GLOD4: variants seen among roughly 807,000 people sequenced by gnomAD.
The protein encoded by GLOD4 is glyoxalase domain containing 4, also known as glyoxalase domain-containing protein 4.
Under a neutral mutation model 39.1 loss-of-function variants are expected in GLOD4, and 44 were observed. The observed-to-expected ratio is 1.13, with a 90% CI of 0.88 to 1.45. The LOEUF is 1.45. Among genes scored for constraint, GLOD4 ranks in the 40% most tolerant of loss-of-function variants. GLOD4 has a pLI of 0.00. For synonymous variants in GLOD4, 145 were observed against 135.0 expected, an observed-to-expected ratio of 1.07 and a Z score of -0.52; for missense variants, 405 against 366.4, an observed-to-expected ratio of 1.11 and a Z score of -0.86.
intron 1 of GLOD4, chr17:780,780 G>A (rs550393293): frequency 1.3e-5 from 2 of 149,596 alleles, no homozygotes; most frequent in Admixed American, 6.8e-5. Flanking sequence ...TCGAATACAA[G>A]GTCTACATGA....
In GLOD4 at chr17:767,214, C is replaced by A. The variant is rs534014279; in HGVS notation, c.831+2655G>T. Among the ~76,000 whole-genome samples, 15 of 152,230 alleles carry A rather than the reference C, an allele frequency of 9.9e-5. No homozygotes were observed. In the South Asian group the frequency reaches 3.1e-3, roughly 32 times the overall value. On this transcript the variant is annotated intron_variant, in intron 8 of 8. Coordinates refer to ENST00000301329, the MANE Select transcript of GLOD4 (RefSeq NM_016080.4). ...TCAGTCACAGAGTTACGTGACAGAACCAAGAAAGACCAATTTGTTCCTTTA... is the reference window on the plus strand; with the variant it reads ...TCAGTCACAGAGTTACGTGACAGAAACAAGAAAGACCAATTTGTTCCTTTA...
intron 4 of GLOD4, among the ~76,000 whole-genome samples, chr17:774,345 T>A (rs1908521396): frequency 6.6e-6 from 1 of 152,216 alleles, no homozygotes; most frequent in Non-Finnish European, 1.5e-5. Flanking sequence ...CAGGACTCCC[T>A]TCTCAGGCCC....
intron 1 of GLOD4, 181 bp downstream of exon 1, chr17:781,985 A>C: frequency 1.7e-6 from 1 of 589,058 alleles, no homozygotes; most frequent in South Asian, 2.1e-5. Flanking sequence ...CCCTTCTCCA[A>C]GGCCTATGAT....
chr17:782,262 C>G lies in GLOD4; in HGVS notation c.-7G>C. On this transcript the variant is annotated 5_prime_UTR_variant, in exon 1 of 9. Coordinates refer to ENST00000301329, the MANE Select transcript of GLOD4 (RefSeq NM_016080.4). ...GAGCTCTGCGAGCAGCCATGATTCC[C>G]GCCGCACGCAGCCGTCACGCGCACC... The G allele has an allele frequency of 6.2e-7, 1 of 1,613,328 alleles. No individual in the cohort carries two copies. The highest frequency in any genetic ancestry group is 1.7e-5 in the Admixed American group (1 of 59,976).
chr17:777,373 G>A (rs1180707101), intron 2 of GLOD4: 1 of 173,084 alleles, frequency 5.8e-6, no homozygotes, highest in Non-Finnish European at 1.3e-5. Context: ...CGGGCGTGGT[G>A]GCTCAGGCCT....
At chr17:767,112 G>A (rs1906712297) in intron 8 of GLOD4, among the ~76,000 whole-genome samples, 1 of 152,164 alleles carries the variant, frequency 6.6e-6, no homozygotes, top group Non-Finnish European at 1.5e-5. Flanking sequence ...ACAATCTTAT[G>A]AGATAGATCC....
chr17:771,179 T>G (rs1907890889), intron 5 of GLOD4, 146 bp downstream of exon 5: 2 of 561,466 alleles, frequency 3.6e-6, no homozygotes, highest in South Asian at 2.7e-5. Flanking sequence ...TTCTTCTGTT[T>G]ATCTATATAA....
intron 4 of GLOD4, 60 bp downstream of exon 4, chr17:775,715 A>G: frequency 3.5e-6 from 5 of 1,409,030 alleles, no homozygotes; most frequent in Non-Finnish European, 4.0e-6. Flanking sequence ...GGCAGCCCTC[A>G]CTCTCCTTTC....
chr17:774,940 G>A (rs891333629), intron 4 of GLOD4, among the ~76,000 whole-genome samples: 1 of 152,030 alleles, frequency 6.6e-6, no homozygotes, highest in Non-Finnish European at 1.5e-5. Context: ...GTGGTGGCAT[G>A]TGCCTGTAAT....
intron 4 of GLOD4, among the ~76,000 whole-genome samples, chr17:774,739 A>C (rs764664179): frequency 1.6e-4 from 24 of 152,276 alleles, no homozygotes; most frequent in Non-Finnish European, 3.2e-4. Context: ...AGTTTGCTGG[A>C]AGATTCTAGG....
intron 4 of GLOD4, among the ~76,000 whole-genome samples, chr17:774,619 A>C (rs1660739841): frequency 6.6e-6 from 1 of 152,168 alleles, no homozygotes; most frequent in Non-Finnish European, 1.5e-5. Flanking sequence ...AAGTCTGGGA[A>C]ACTGACCTCG....
intron 4 of GLOD4, among the ~76,000 whole-genome samples, chr17:774,663 G>A (rs1908583909): frequency 6.6e-6 from 1 of 152,170 alleles, no homozygotes; most frequent in South Asian, 2.1e-4. Context: ...TGGTTTGGGG[G>A]TGATCCTATT....
intron 1 of GLOD4, 50 bp from the exon 2 acceptor site, chr17:778,794 A>G (rs1384667019): frequency 4.9e-6 from 5 of 1,021,680 alleles, no homozygotes; most frequent in Non-Finnish European, 7.7e-6. Context: ...TACTGCTCAC[A>G]GCGTCTTTAG....
rs1198723865 is a variant in GLOD4, at chr17:770,032, A to G, written c.744+12T>C. On this transcript the variant is annotated intron_variant, in intron 7 of 8. Coordinates refer to ENST00000301329, the MANE Select transcript of GLOD4 (RefSeq NM_016080.4). ...CCTGGTCCAGCCTGCCCCCTGCCTGAGAAATACTTACAGGGTCGGCCAGAA... is the reference window on the plus strand; with the variant it reads ...CCTGGTCCAGCCTGCCCCCTGCCTGGGAAATACTTACAGGGTCGGCCAGAA... The G allele has an allele frequency of 6.3e-7, 1 of 1,584,782 alleles. No homozygotes were observed. The highest frequency in any genetic ancestry group is 1.7e-5 in the Admixed American group (1 of 59,978).
intron 1 of GLOD4, chr17:780,540 C>G (rs376554997): frequency 1.3e-5 from 2 of 152,030 alleles, no homozygotes; most frequent in Non-Finnish European, 2.9e-5. Flanking sequence ...GACGTCAACT[C>G]GAATCCTGGC....
At chr17:778,608 T>C (rs1909341237) in intron 2 of GLOD4, 87 bp downstream of exon 2, 1 of 850,186 alleles carries the variant, frequency 1.2e-6, no homozygotes, top group African/African-American at 1.7e-5. Flanking sequence ...TTAATTCCAC[T>C]GCTTTATACT....
rs1909106943 is a variant in GLOD4 at position 777,181 on chromosome 17, G to A, written c.141-193C>T. The A allele has an allele frequency of 5.1e-6, 3 of 592,940 alleles. No individual in the cohort carries two copies. In the South Asian group the frequency reaches 6.2e-5, roughly 12 times the overall value. The allele number at this position is 592,940 out of a possible 1,614,324, so 36.7% of individuals were successfully genotyped here. A position where few individuals can be genotyped will look rare whatever the true frequency, so the allele number is the denominator to read the frequency against. On this transcript the variant is annotated intron_variant, in intron 2 of 8. Coordinates refer to ENST00000301329, the MANE Select transcript of GLOD4 (RefSeq NM_016080.4). ...ATGGGACCCTACTACAAGCTCCAAA[G>A]ACTATCCAGCATCTACCTGAAGGAA...
intron 8 of GLOD4, among the ~76,000 whole-genome samples, chr17:765,899 T>C (rs1288855063): frequency 6.6e-6 from 1 of 151,780 alleles, no homozygotes; most frequent in African/African-American, 2.4e-5. Flanking sequence ...GAGGTTGCAG[T>C]GACCTGAGAT....
intron 2 of GLOD4, chr17:778,462 C>T (rs1221181865): frequency 5.1e-6 from 3 of 593,598 alleles, no homozygotes; most frequent in Non-Finnish European, 9.0e-6. Flanking sequence ...AATGTGTTCC[C>T]GACGCTCCTG....
Sources: allele counts gnomAD v4.1 joint callset (sites outside exome capture counted in the v4.1 genomes callset), GRCh38; gene constraint gnomAD v4.1.1; transcripts MANE v1.5; gene names NCBI Gene and HGNC (gene_info 2026-07-23, HGNC 2026-07-21).